UBN2: variants seen among roughly 807,000 people sequenced by gnomAD.
The protein encoded by UBN2 is ubinuclein-2.
A neutral mutation model predicts 120.2 loss-of-function variants in UBN2; 35 were observed. The observed-to-expected ratio is 0.29, with a 90% CI of 0.22 to 0.39. The LOEUF (loss-of-function observed/expected upper bound fraction) is 0.39. Ranked by LOEUF, UBN2 falls within the 10% of genes least tolerant of loss-of-function variation. The pLI is 1.00. For synonymous variants in UBN2, 661 were observed against 648.7 expected, an observed-to-expected ratio of 1.02 and a Z score of -0.29; for missense variants, 1,693 against 1,663.2, an observed-to-expected ratio of 1.02 and a Z score of -0.31.
At chr7:139,240,454 A>ATATATTTT (rs371717591) in intron 2 of UBN2, among the ~76,000 whole-genome samples, 6 of 123,104 alleles carry the variant, frequency 4.9e-5, no homozygotes, top group African/African-American at 1.9e-4. Context: ...ATATATATAT[A>ATATATTTT]TTTTTTTTTT....
rs985864834 is a variant in UBN2, at chr7:139,281,759, A to G, written c.2068-246A>G. 2.6e-5 allele frequency among the ~76,000 whole-genome samples: 4 copies of G among 152,152 alleles called. No homozygotes were observed. The East Asian group carries it at 7.7e-4, about 29-fold the overall frequency. Reference sequence around the variant, plus strand: ...TATTGGGATACATTTCCTACCCTTTATTGTGTACTTTTTATAATGGAATTT... The same window carrying G: ...TATTGGGATACATTTCCTACCCTTTGTTGTGTACTTTTTATAATGGAATTT... On this transcript the variant is annotated intron_variant, in intron 13 of 17. Coordinates refer to ENST00000473989, the MANE Select transcript of UBN2 (RefSeq NM_173569.4).
At chr7:139,266,122 G>A (rs987298344) in intron 6 of UBN2, among the ~76,000 whole-genome samples, 4 of 148,822 alleles carry the variant, frequency 2.7e-5, no homozygotes, top group African/African-American at 9.9e-5. Context: ...AGGGCACAGT[G>A]GTACATACCT....
At chr7:139,271,092 A>G (rs926691974) in intron 8 of UBN2, among the ~76,000 whole-genome samples, 6 of 152,126 alleles carry the variant, frequency 3.9e-5, no homozygotes, top group African/African-American at 1.4e-4. Context: ...AGATGTTCAC[A>G]TTTTTAAACA....
Position 139,293,398 on chromosome 7 carries a change from A to G in UBN2, c.3836A>G (p.Asp1279Gly), listed in dbSNP as rs1465863734. ...TTGGAGATATTTGGCTTTGGAACGGACACAGCTGGAGTGACAACCACCTCG... is the reference window on the plus strand; with the variant it reads ...TTGGAGATATTTGGCTTTGGAACGGGCACAGCTGGAGTGACAACCACCTCG... Reference protein sequence around the residue: ...FPLEIFGFGTDTAGVTTTSGS... With the variant: ...FPLEIFGFGTGTAGVTTTSGS... The change falls in exon 16 of 18, where the codon GAC becomes GGC. Residue 1279 changes from aspartate to glycine, a missense_variant. Transcript: ENST00000473989. The G allele has an allele frequency of 5.0e-6, 8 of 1,614,102 alleles. No homozygotes were observed. Among genetic ancestry groups the G allele is most frequent in the Non-Finnish European group, 5.9e-6 (7 of 1,180,004 alleles).
chr7:139,267,108 G>T (rs1254734345), intron 7 of UBN2, among the ~76,000 whole-genome samples: 1 of 152,150 alleles, frequency 6.6e-6, no homozygotes, highest in East Asian at 1.9e-4. Context: ...TTGTTTACAA[G>T]AATCAGGTAT....
chr7:139,257,928 A>G (rs377202099), intron 3 of UBN2, among the ~76,000 whole-genome samples: 1 of 151,534 alleles, frequency 6.6e-6, no homozygotes, highest in African/African-American at 2.4e-5. Context: ...TGGGCTTACT[A>G]CGCCCAGCTA....
At chr7:139,294,323 G>A (rs1212699512) in intron 17 of UBN2, among the ~76,000 whole-genome samples, 1 of 152,158 alleles carries the variant, frequency 6.6e-6, no homozygotes, top group East Asian at 1.9e-4. Context: ...GACAGCTTAC[G>A]TGGATTAGCT....
In UBN2 at chr7:139,283,723, G is replaced by T. The variant is rs752685674; in HGVS notation, c.2818G>T (p.Val940Leu). The T allele has an allele frequency of 1.9e-6, 3 of 1,613,926 alleles. No individual in the cohort carries two copies. The South Asian group carries it at 3.3e-5, about 18-fold the overall frequency. Residue 940 changes from valine to leucine, a missense_variant, in exon 15 of 18, where the codon GTG (valine) becomes TTG (leucine). By Grantham distance (32) the Val-to-Leu change is conservative. Around this residue, in one of 5 missense-constraint regions of UBN2, gnomAD observed 837 missense variants for 817.6 expected, o/e 1.02. Transcript: ENST00000473989. ...GCATTCAGCTGTCCAGCAGAACTAT[G>T]TGTCTCCATTACAGGCCACCATCAG... ...HQHSAVQQNY[V>L]SPLQATISKS...
intron 7 of UBN2, among the ~76,000 whole-genome samples, chr7:139,269,146 T>A (rs1350545373): frequency 6.6e-6 from 1 of 151,852 alleles, no homozygotes; most frequent in Non-Finnish European, 1.5e-5. Flanking sequence ...GAGGTGGAGG[T>A]TCCAGTAAGC....
chr7:139,236,977 C>T, intron 1 of UBN2, 28 bp from the exon 2 acceptor site: 1 of 1,486,704 alleles, frequency 6.7e-7, no homozygotes, highest in Non-Finnish European at 9.3e-7. Context: ...GGATACTTCT[C>T]TTTCTTTTCC....
At chr7:139,245,353 T>C (rs576850728) in intron 2 of UBN2, among the ~76,000 whole-genome samples, 6 of 152,276 alleles carry the variant, frequency 3.9e-5, no homozygotes, top group Non-Finnish European at 7.4e-5. Flanking sequence ...TAAGATCATT[T>C]TGAGGGGAAG....
rs1366949169 is a variant in UBN2 at position 139,303,121 on chromosome 7, CAGAAGT to C, written c.*5290_*5295del. 3 of 152,162 alleles carry C rather than the reference CAGAAGT, an allele frequency of 2.0e-5. No homozygotes were observed. The highest frequency in any genetic ancestry group is 7.2e-5 in the African/African-American group (3 of 41,442). 9.4% of individuals were successfully genotyped at this position (152,162 alleles called of 1,614,324 possible). ...CTATCTGTTAAAAGGTTAATAAACT[CAGAAGT>C]AGAAAGACTTCAGATGCTGAGGAAA... On this transcript the variant is annotated 3_prime_UTR_variant, in exon 18 of 18. Coordinates refer to ENST00000473989, the MANE Select transcript of UBN2 (RefSeq NM_173569.4).
At chr7:139,315,263 C>T in the UBN2 span, 1 of 152,234 alleles carries the variant, frequency 6.6e-6, no homozygotes, top group Non-Finnish European at 1.5e-5. Context: ...GCGTGAGCCA[C>T]CGCGCCCGGG....
chr7:139,261,475 G>A lies in UBN2; in HGVS notation c.1129G>A (p.Gly377Ser), dbSNP rs368430654. The A allele has an allele frequency of 2.4e-5, 38 of 1,614,042 alleles. No homozygotes were observed. The highest frequency in any genetic ancestry group is 2.0e-4 in the Admixed American group (12 of 59,994). Residue 377 changes from glycine to serine, a missense_variant, in exon 6 of 18, where the codon GGT (glycine) becomes AGT (serine). Coordinates refer to ENST00000473989, the MANE Select transcript of UBN2 (RefSeq NM_173569.4). ...NDVPDLNLSS[G>S]DPDLPIFVST... ...CGTCCCGGACTTAAATCTGAGCAGCGGTGATCCAGACCTTCCCATTTTTGT... is the reference window on the plus strand; with the variant it reads ...CGTCCCGGACTTAAATCTGAGCAGCAGTGATCCAGACCTTCCCATTTTTGT...
In UBN2 at chr7:139,283,993, C is replaced by G. The variant is rs1797695899; in HGVS notation, c.3088C>G (p.Pro1030Ala). 1.2e-6 allele frequency: 2 copies of G among 1,614,134 alleles called. No individual in the cohort carries two copies. The highest frequency in any genetic ancestry group is 4.5e-5 in the East Asian group (2 of 44,880). The part of the protein sequence containing the change: ...SQISTQGFKS[P>A]FSMAASPKLA... ...GATCTCCACGCAGGGTTTCAAATCT[C>G]CCTTCTCGATGGCTGCCTCCCCAAA... The change falls in exon 15 of 18, where the codon CCC becomes GCC. Residue 1030 changes from proline (P) to alanine (A), a missense_variant. Coordinates refer to ENST00000473989, the MANE Select transcript of UBN2 (RefSeq NM_173569.4).
At chr7:139,293,571 A>AGTT in intron 16 of UBN2, 108 bp downstream of exon 16, 1 of 798,796 alleles carries the variant, frequency 1.3e-6, no homozygotes, top group Non-Finnish European at 1.9e-6. Context: ...TGAAGATTAT[A>AGTT]GTTTTTTTTT....
intron 3 of UBN2, among the ~76,000 whole-genome samples, chr7:139,252,296 A>G (rs993370650): frequency 6.6e-6 from 1 of 152,090 alleles, no homozygotes; most frequent in Admixed American, 6.5e-5. Flanking sequence ...AAAATAGACC[A>G]AGTTTTATCA....
At chr7:139,240,466 A>T (rs1349574059) in intron 2 of UBN2, among the ~76,000 whole-genome samples, 46 of 97,412 alleles carry the variant, frequency 4.7e-4, no homozygotes, top group African/African-American at 8.7e-4. Context: ...TTTTTTTTTT[A>T]AATAATTATT....
downstream of UBN2, among the ~76,000 whole-genome samples, chr7:139,309,767 A>T (rs1483164865): frequency 6.6e-6 from 1 of 152,156 alleles, no homozygotes; most frequent in African/African-American, 2.4e-5. Flanking sequence ...GCTATTCGGG[A>T]GGCTGAGACA....
Sources: gnomAD v4.1 joint callset for allele counts (sites outside exome capture counted in the v4.1 genomes callset) on GRCh38, gnomAD v4.1.1 for gene constraint, gnomAD v4.1.1 regional missense constraint, MANE v1.5 for transcripts, NCBI Gene and HGNC (gene_info 2026-07-23, HGNC 2026-07-21) for gene names.